ADGRL2: variants seen among roughly 807,000 people sequenced by gnomAD.
ADGRL2 encodes the protein adhesion G protein-coupled receptor L2.
In ADGRL2, 44 loss-of-function variants were observed where a neutral mutation model predicts 157.4. That is an observed-to-expected ratio of 0.28 (90% CI 0.22 to 0.36). The LOEUF (loss-of-function observed/expected upper bound fraction) is 0.36. Among genes scored for constraint, ADGRL2 ranks in the 10% least tolerant of loss-of-function variants. The pLI is 1.00. For missense variants in ADGRL2, 1,510 were observed against 1,768.9 expected (o/e 0.85, Z 2.63); for synonymous variants, 585 against 624.7 (o/e 0.94, Z 0.95).
At chr1:81,510,727 G>A (rs2079060706) in intron 2 of ADGRL2, among the ~76,000 whole-genome samples, 1 of 152,156 alleles carries the variant, frequency 6.6e-6, no homozygotes, top group South Asian at 2.1e-4. Context: ...CATTTTCAAG[G>A]TGTAGAAAGA....
upstream of ADGRL2, among the ~76,000 whole-genome samples, chr1:81,797,305 A>C (rs886910833): frequency 5.9e-5 from 9 of 152,178 alleles, no homozygotes; most frequent in African/African-American, 2.2e-4. Context: ...TTTGAAAACA[A>C]ATTTTGTTTC....
chr1:81,819,078 A>C (rs770873434), intron 1 of ADGRL2, among the ~76,000 whole-genome samples: 5 of 152,172 alleles, frequency 3.3e-5, no homozygotes, highest in African/African-American at 1.2e-4. Flanking sequence ...TGATATTTTC[A>C]ATTGAGAACA....
intron 2 of ADGRL2, among the ~76,000 whole-genome samples, chr1:81,886,543 C>T (rs1049283149): frequency 1.3e-5 from 2 of 152,098 alleles, no homozygotes; most frequent in African/African-American, 2.4e-5. Context: ...GGCCAGAAAA[C>T]GAAAGTTCAC....
chr1:81,335,996 T>C (rs1168579827), intron 1 of ADGRL2, among the ~76,000 whole-genome samples: 1 of 152,218 alleles, frequency 6.6e-6, no homozygotes, highest in East Asian at 1.9e-4. Context: ...CTTCCTTCTC[T>C]TCAGCAATTC....
chr1:81,744,983 C>A (rs537444154), intron 1 of ADGRL2, among the ~76,000 whole-genome samples: 2 of 152,162 alleles, frequency 1.3e-5, no homozygotes, highest in Middle Eastern at 3.4e-3. Context: ...GATAACAAAC[C>A]AAAGTACTCC....
chr1:81,846,777 A>G (rs2092807158), intron 2 of ADGRL2, among the ~76,000 whole-genome samples: 1 of 152,010 alleles, frequency 6.6e-6, no homozygotes, highest in South Asian at 2.1e-4. Flanking sequence ...GGTTAGAGAC[A>G]ATATAGTAGG....
intron 2 of ADGRL2, among the ~76,000 whole-genome samples, chr1:81,877,129 A>T (rs2093861286): frequency 6.6e-6 from 1 of 152,152 alleles, no homozygotes; most frequent in African/African-American, 2.4e-5. Flanking sequence ...TTTAATAGAT[A>T]TTCTCACTTC....
intron 2 of ADGRL2, among the ~76,000 whole-genome samples, chr1:81,879,303 AC>A (rs1194758732): frequency 2.6e-5 from 4 of 152,156 alleles, no homozygotes; most frequent in Non-Finnish European, 5.9e-5. Flanking sequence ...ATCTCAGAAT[AC>A]TTAGAAGTAG....
intron 1 of ADGRL2, among the ~76,000 whole-genome samples, chr1:81,822,208 A>C (rs976132497): frequency 6.6e-6 from 1 of 150,826 alleles, no homozygotes; most frequent in African/African-American, 2.5e-5. Flanking sequence ...TTTGTTTTGA[A>C]AGATGATAAA....
At chr1:81,711,065 T>C (rs941574729) in intron 1 of ADGRL2, among the ~76,000 whole-genome samples, 1 of 152,210 alleles carries the variant, frequency 6.6e-6, no homozygotes, top group Non-Finnish European at 1.5e-5. Context: ...GCATATTTCA[T>C]GAAACATTTT....
rs146956527 is a variant in ADGRL2 at position 81,566,915 on chromosome 1, A to G, written c.-247-13961A>G. On this transcript the variant is annotated intron_variant, in intron 2 of 24. Transcript: ENST00000370721. ...TAAGGCAATAAAGACATTCAATTAT[A>G]TTAAAAATCATAAATTTGAAACAAA... Among the ~76,000 whole-genome samples the G allele has an allele frequency of 1.5e-3, 234 of 152,292 alleles. 3 individuals are homozygous for G. The highest frequency in any genetic ancestry group is 5.5e-3 in the African/African-American group (228 of 41,582).
intron 2 of ADGRL2, among the ~76,000 whole-genome samples, chr1:81,460,302 G>T (rs1312761084): frequency 1.3e-5 from 2 of 150,946 alleles, no homozygotes; most frequent in South Asian, 2.1e-4. Flanking sequence ...GAAGTGATTG[G>T]GTTGATATCT....
intron 2 of ADGRL2, among the ~76,000 whole-genome samples, chr1:81,554,913 T>C (rs1175832556): frequency 6.6e-6 from 1 of 151,854 alleles, no homozygotes; most frequent in Non-Finnish European, 1.5e-5. Context: ...GGTGTACAAT[T>C]AGTGAGGGGC....
At chr1:81,425,330 C>G (rs576754038) in intron 1 of ADGRL2, among the ~76,000 whole-genome samples, 1 of 152,090 alleles carries the variant, frequency 6.6e-6, no homozygotes, top group Non-Finnish European at 1.5e-5. Context: ...TACCAGTTCT[C>G]ACTTATTTGT....
chr1:81,963,102 T>C (rs892865673), intron 11 of ADGRL2, among the ~76,000 whole-genome samples: 2 of 152,002 alleles, frequency 1.3e-5, no homozygotes, highest in African/African-American at 2.4e-5. Context: ...TAAAGTTATA[T>C]ATTTTTCTTA....
chr1:81,503,501 T>C, intron 2 of ADGRL2: 1 of 1,603,074 alleles, frequency 6.2e-7, no homozygotes, highest in Non-Finnish European at 8.5e-7. Flanking sequence ...CTTGCCACTC[T>C]CCAGTCGAGA....
intron 17 of ADGRL2, among the ~76,000 whole-genome samples, chr1:81,973,931 T>G (rs1441685662): frequency 2.1e-5 from 3 of 139,782 alleles, no homozygotes; most frequent in South Asian, 2.2e-4. Context: ...ACAGTGTGTG[T>G]GGGGAAAAAA....
At chr1:81,454,528 G>A (rs1453138422) in intron 2 of ADGRL2, among the ~76,000 whole-genome samples, 2 of 152,196 alleles carry the variant, frequency 1.3e-5, no homozygotes, top group African/African-American at 2.4e-5. Flanking sequence ...ATACTAGAGG[G>A]CTAATTGGTA....
At chr1:81,422,433 C>T (rs963959487) in intron 1 of ADGRL2, among the ~76,000 whole-genome samples, 3 of 152,088 alleles carry the variant, frequency 2.0e-5, no homozygotes, top group South Asian at 2.1e-4. Flanking sequence ...TCAGTGGAGA[C>T]GGGGTTTCAC....
Sources: allele counts gnomAD v4.1 joint callset (sites outside exome capture counted in the v4.1 genomes callset), GRCh38; gene constraint gnomAD v4.1.1; transcripts MANE v1.5; gene names NCBI Gene and HGNC (gene_info 2026-07-23, HGNC 2026-07-21).